Variants in DMD observed in about 807,000 individuals in gnomAD.
DMD encodes the protein dystrophin.
DMD carries 63 observed loss-of-function variants against 330.1 expected under a neutral mutation model. The ratio of observed to expected loss-of-function variants is 0.19; its 90% confidence interval spans 0.16 to 0.24. DMD has a LOEUF of 0.24. DMD is among the 10% of genes least tolerant of loss of function. DMD has a pLI of 1.00. For missense variants in DMD, 3,344 were observed against 2,684.1 expected (o/e 1.25, Z -5.43); for synonymous variants, 1,223 against 959.8 (o/e 1.27, Z -5.07).
chrX:31,341,882 T>TGCGCGCGC (rs764854573), intron 61 of DMD, among the ~76,000 whole-genome samples: 27 of 82,704 alleles, frequency 3.3e-4, no homozygotes, highest in Middle Eastern at 5.3e-3. Flanking sequence ...CGCGCGTGCG[T>TGCGCGCGC]GCGCGCGCGC....
intron 29 of DMD, among the ~76,000 whole-genome samples, chrX:32,433,802 A>G (rs1170596662): frequency 8.9e-6 from 1 of 112,144 alleles, no homozygotes; most frequent in Admixed American, 9.4e-5. Flanking sequence ...TACTATTACC[A>G]ATATTATTAT....
chrX:31,994,780 G>T (rs1043505582), intron 44 of DMD, among the ~76,000 whole-genome samples: 3 of 111,855 alleles, frequency 2.7e-5, no homozygotes, highest in African/African-American at 9.8e-5. Context: ...TCTGCCCTTA[G>T]CACTCCGGAT....
At chrX:31,545,706 C>T (rs2074105386) in intron 55 of DMD, among the ~76,000 whole-genome samples, 1 of 111,608 alleles carries the variant, frequency 9.0e-6, no homozygotes, top group African/African-American at 3.3e-5. Context: ...TGAAGACATG[C>T]AGGGTGAAAG....
At chrX:32,691,686 C>T (rs1398875359) in intron 9 of DMD, among the ~76,000 whole-genome samples, 2 of 111,411 alleles carry the variant, frequency 1.8e-5, no homozygotes, top group Admixed American at 9.6e-5. Context: ...AAATCAGGAT[C>T]TTGAAGGGAT....
Position 32,423,194 on chromosome X carries a change from A to C in DMD, c.4072-11281T>G, listed in dbSNP as rs186740647. 1.7e-3 allele frequency among the ~76,000 whole-genome samples: 187 copies of C among 108,676 alleles called. 1 individual carries two copies. Among genetic ancestry groups the C allele is most frequent in the African/African-American group, 6.1e-3 (184 of 29,941 alleles). The allele number at this position is 108,676 out of a possible 115,157, so 94.4% of individuals were successfully genotyped here. On this transcript the variant is annotated intron_variant, in intron 29 of 78. Transcript: ENST00000357033. Reference sequence around the variant, plus strand: ...CCTTAATGGTTTTCCTTTATGTATTAACTCCCTCTTTTGTTATTCCAACTT... The same window carrying C: ...CCTTAATGGTTTTCCTTTATGTATTCACTCCCTCTTTTGTTATTCCAACTT...
intron 59 of DMD, among the ~76,000 whole-genome samples, chrX:31,458,514 CAAAA>C (rs199537077): frequency 1.9e-4 from 10 of 53,360 alleles, no homozygotes; most frequent in South Asian, 2.0e-3. Flanking sequence ...ATGTGATTTC[CAAAA>C]AAAAAAAAAA....
At chrX:32,779,243 T>C (rs1023514413) in intron 7 of DMD, among the ~76,000 whole-genome samples, 5 of 106,157 alleles carry the variant, frequency 4.7e-5, no homozygotes, top group African/African-American at 1.5e-4. Context: ...CCCTTTATTA[T>C]TGATTTTACT....
intron 7 of DMD, among the ~76,000 whole-genome samples, chrX:32,717,604 C>A (rs1428448522): frequency 8.9e-6 from 1 of 111,773 alleles, no homozygotes; most frequent in Non-Finnish European, 1.9e-5. Context: ...AGCTCTCACA[C>A]AGAGTCCCCA....
At chrX:31,477,168 C>T (rs189110954) in intron 59 of DMD, among the ~76,000 whole-genome samples, 251 of 111,712 alleles carry the variant, frequency 2.2e-3, no homozygotes, top group African/African-American at 7.8e-3. Context: ...CATCACCATC[C>T]AGGCCATCTC....
At chrX:32,532,552 T>C (rs1179159823) in intron 17 of DMD, among the ~76,000 whole-genome samples, 2 of 112,618 alleles carry the variant, frequency 1.8e-5, no homozygotes, top group Non-Finnish European at 3.7e-5. Context: ...ATTGTTATCA[T>C]TGGCAAAGAG....
intron 45 of DMD, among the ~76,000 whole-genome samples, chrX:31,932,644 G>C (rs2094872057): frequency 9.0e-6 from 1 of 111,513 alleles, no homozygotes; most frequent in Non-Finnish European, 1.9e-5. Flanking sequence ...TACTAGGGAG[G>C]CTGAGGCAGG....
intron 9 of DMD, among the ~76,000 whole-genome samples, chrX:32,658,629 T>A (rs1190337023): frequency 9.0e-6 from 1 of 111,263 alleles, no homozygotes; most frequent in Non-Finnish European, 1.9e-5. Flanking sequence ...CTGTTGATTA[T>A]CTTTCCTCTC....
intron 67 of DMD, among the ~76,000 whole-genome samples, chrX:31,189,463 T>G (rs1362310623): frequency 9.0e-6 from 1 of 111,292 alleles, no homozygotes; most frequent in Admixed American, 9.6e-5. Flanking sequence ...TCGATACGCA[T>G]TTGGTTGAAA....
chrX:33,140,898 A>G (rs1427606639), intron 1 of DMD, among the ~76,000 whole-genome samples: 1 of 111,986 alleles, frequency 8.9e-6, no homozygotes, highest in African/African-American at 3.2e-5. Context: ...CCAAGTTATG[A>G]TTTTTTTAGT....
chrX:31,909,654 G>A (rs2094523490), intron 47 of DMD, among the ~76,000 whole-genome samples: 1 of 111,632 alleles, frequency 9.0e-6, no homozygotes, highest in Admixed American at 9.5e-5. Flanking sequence ...GTTACTTACA[G>A]GCATATTAGT....
chrX:31,137,198 T>C (rs2035355716), intron 76 of DMD, among the ~76,000 whole-genome samples: 1 of 110,924 alleles, frequency 9.0e-6, no homozygotes, highest in South Asian at 3.8e-4. Flanking sequence ...TTTTATATTT[T>C]TTAGTAGAGA....
intron 44 of DMD, among the ~76,000 whole-genome samples, chrX:32,065,159 T>C (rs1230313239): frequency 9.0e-6 from 1 of 111,609 alleles, no homozygotes; most frequent in Non-Finnish European, 1.9e-5. Context: ...TTTCAAATGA[T>C]TCCAAGGATA....
At chrX:32,604,829 G>T (rs2056548209) in intron 12 of DMD, among the ~76,000 whole-genome samples, 1 of 104,350 alleles carries the variant, frequency 9.6e-6, no homozygotes, top group Non-Finnish European at 2.0e-5. Flanking sequence ...AAAATACCTA[G>T]GAATGCCTTT....
At chrX:31,652,882 G>T (rs2080538919) in intron 54 of DMD, among the ~76,000 whole-genome samples, 1 of 110,789 alleles carries the variant, frequency 9.0e-6, no homozygotes, top group Non-Finnish European at 1.9e-5. Flanking sequence ...ATAGTAAGCA[G>T]AAGCAAGTAC....
Sources: allele counts gnomAD v4.1 joint callset (sites outside exome capture counted in the v4.1 genomes callset), GRCh38; gene constraint gnomAD v4.1.1; transcripts MANE v1.5; gene names NCBI Gene and HGNC (gene_info 2026-07-23, HGNC 2026-07-21).